The following NAALAD2 variants were observed in gnomAD, a reference collection of about 807,000 sequenced individuals.
The protein encoded by NAALAD2 is N-acetylated alpha-linked acidic dipeptidase 2, also known as N-acetylated-alpha-linked acidic dipeptidase 2.
In NAALAD2, 89 loss-of-function variants were observed where a neutral mutation model predicts 95.6. The ratio of observed to expected loss-of-function variants is 0.93; its 90% CI spans 0.78 to 1.11. The LOEUF (loss-of-function observed/expected upper bound fraction) is 1.11. Among genes scored for constraint, NAALAD2 ranks in the 50% least tolerant of loss-of-function variants. The pLI is 0.00. For synonymous variants in NAALAD2, 264 were observed against 294.4 expected (o/e 0.90, Z 1.06); for missense variants, 894 against 872.4 (o/e 1.02, Z -0.31).
chr11:90,151,816 C>G (rs1414607645), intron 5 of NAALAD2, among the ~76,000 whole-genome samples: 1 of 152,092 alleles, frequency 6.6e-6, no homozygotes, highest in Non-Finnish European at 1.5e-5. Flanking sequence ...AATATGACTG[C>G]TCTGCATACA....
At chr11:90,162,392 T>C (rs971668127) in intron 8 of NAALAD2, 14 of 152,128 alleles carry the variant, frequency 9.2e-5, no homozygotes, top group Non-Finnish European at 1.6e-4. Flanking sequence ...AAATTCTCAT[T>C]TAACAACAGA....
chr11:90,182,775 C>T (rs1953010836), intron 17 of NAALAD2, 141 bp from the exon 18 acceptor site: 3 of 572,556 alleles, frequency 5.2e-6, no homozygotes, highest in South Asian at 4.6e-5. Context: ...CCATGTAAAG[C>T]ATTACTGTGT....
chr11:90,140,588 T>C (rs1372994472), intron 2 of NAALAD2, among the ~76,000 whole-genome samples: 1 of 152,090 alleles, frequency 6.6e-6, no homozygotes, highest in Non-Finnish European at 1.5e-5. Context: ...CAAACCTATG[T>C]TTCAAGGGTC....
At chr11:90,139,223 A>G (rs376670547) in intron 2 of NAALAD2, among the ~76,000 whole-genome samples, 26 of 152,282 alleles carry the variant, frequency 1.7e-4, no homozygotes, top group Admixed American at 1.1e-3. Context: ...TCTGTTGTCC[A>G]GGCCTTCTTG....
At chr11:90,158,064 C>T in intron 6 of NAALAD2, 81 bp from the exon 7 acceptor site, 2 of 1,063,036 alleles carry the variant, frequency 1.9e-6, no homozygotes, top group South Asian at 1.4e-5. Context: ...AGCAAATCTG[C>T]AACGGTTATG....
At chr11:90,177,758 TTA>T in intron 15 of NAALAD2, 93 bp from the exon 16 acceptor site, 7 of 1,283,504 alleles carry the variant, frequency 5.5e-6, no homozygotes, top group Non-Finnish European at 7.5e-6. Context: ...TGGCTGGTTG[TTA>T]TTTTTTCTAT....
chr11:90,163,227 A>G lies in NAALAD2; in HGVS notation c.1076-83A>G, dbSNP rs1952344763. 5 of 1,427,408 alleles carry G rather than the reference A, an allele frequency of 3.5e-6. No individual in the cohort carries two copies. In the South Asian group the frequency reaches 4.0e-5, roughly 11 times the overall value. 88.4% of individuals were successfully genotyped at this position (1,427,408 alleles called of 1,614,324 possible). A position where few individuals can be genotyped will look rare whatever the true frequency, so the allele number is the denominator to read the frequency against. On this transcript the variant is annotated intron_variant, in intron 9 of 18. Transcript: ENST00000534061. ...CTTCTATAGAGGAAACTCAAGCAAG[A>G]GGATGTTTATTTTAAAAACATAAAT...
chr11:90,179,164 C>T (rs1021971837), intron 16 of NAALAD2, among the ~76,000 whole-genome samples: 25 of 152,286 alleles, frequency 1.6e-4, no homozygotes, highest in African/African-American at 5.1e-4. Flanking sequence ...ACTTAGTGCT[C>T]ATTAAATATT....
At chr11:90,151,576 ACAT>A (rs1951888068) in intron 5 of NAALAD2, among the ~76,000 whole-genome samples, 2 of 152,186 alleles carry the variant, frequency 1.3e-5, no homozygotes, top group African/African-American at 4.8e-5. Flanking sequence ...ATTTTGATAG[ACAT>A]CATCAATTTT....
chr11:90,187,014 A>T (rs1262892159), intron 18 of NAALAD2, among the ~76,000 whole-genome samples: 2 of 151,848 alleles, frequency 1.3e-5, no homozygotes, highest in East Asian at 1.9e-4. Flanking sequence ...TGGGCGAAGG[A>T]CATGAACAGA....
chr11:90,185,232 T>C (rs543702672), intron 18 of NAALAD2, among the ~76,000 whole-genome samples: 11 of 151,958 alleles, frequency 7.2e-5, no homozygotes, highest in East Asian at 1.9e-4. Context: ...ATAAACAATT[T>C]TTATTTACAT....
upstream of NAALAD2, chr11:90,131,893 G>T: frequency 6.6e-6 from 1 of 152,100 alleles, no homozygotes; most frequent in African/African-American, 2.4e-5. Context: ...TGAGAGACTG[G>T]TTTTCAATAC....
chr11:90,133,499 A>G (rs554534867), upstream of NAALAD2, among the ~76,000 whole-genome samples: 18 of 47,654 alleles, frequency 3.8e-4, no homozygotes, highest in Non-Finnish European at 5.3e-4. Flanking sequence ...AGACTATTAG[A>G]AAAAAAAAAG....
chr11:90,152,388 A>G lies in NAALAD2; in HGVS notation c.700A>G (p.Lys234Glu). Reference protein sequence around the residue: ...YFAPEVQPYPKGWNLPGTAAQ... With the variant: ...YFAPEVQPYPEGWNLPGTAAQ... ...TGCTCCTGAGGTACAGCCATATCCC[A>G]AAGGATGGAATCTTCCTGGAACTGC... The change falls in exon 6 of 19, where the codon AAA becomes GAA. Residue 234 changes from lysine (K) to glutamate (E), a missense_variant. Physicochemically the swap from Lys to Glu is moderately conservative, Grantham distance 56 (BLOSUM62 1). Transcript: ENST00000534061. 1 of 1,613,942 alleles carries G rather than the reference A, an allele frequency of 6.2e-7. No homozygotes were observed. The highest frequency in any genetic ancestry group is 8.5e-7 in the Non-Finnish European group (1 of 1,179,886).
At chr11:90,185,262 A>G (rs2134991345) in intron 18 of NAALAD2, among the ~76,000 whole-genome samples, 1 of 152,010 alleles carries the variant, frequency 6.6e-6, no homozygotes, top group East Asian at 1.9e-4. Flanking sequence ...TATTTAACAT[A>G]TTATAAATTT....
At chr11:90,154,981 C>T (rs1351718786) in intron 6 of NAALAD2, among the ~76,000 whole-genome samples, 8 of 79,996 alleles carry the variant, frequency 1.0e-4, no homozygotes, top group South Asian at 4.1e-4. Flanking sequence ...ATATTATATA[C>T]GTATACATAA....
At chr11:90,131,853 G>A (rs371906974), upstream of NAALAD2, 2 of 152,156 alleles carry the variant, frequency 1.3e-5, no homozygotes, top group African/African-American at 4.8e-5. Context: ...ACTGAATCAT[G>A]AGCAGGTCAA....
intron 2 of NAALAD2, among the ~76,000 whole-genome samples, chr11:90,138,916 C>T (rs374527630): frequency 6.6e-6 from 1 of 151,728 alleles, no homozygotes; most frequent in African/African-American, 2.4e-5. Context: ...ATGGCATCTT[C>T]AATAATGTAA....
chr11:90,134,807 G>A lies in NAALAD2; in HGVS notation c.49G>A (p.Ala17Thr), dbSNP rs750389734. 3 of 1,614,050 alleles carry A rather than the reference G, an allele frequency of 1.9e-6. No homozygotes were observed. Among genetic ancestry groups the A allele is most frequent in the Non-Finnish European group, 2.5e-6 (3 of 1,180,038 alleles). The change falls in exon 1 of 19, where the codon GCG becomes ACG. Residue 17 changes from alanine to threonine, a missense_variant. Coordinates refer to ENST00000534061, the MANE Select transcript of NAALAD2 (RefSeq NM_005467.4). The stretch of plus-strand genomic sequence containing the variant: ...GTACCTTTGGATGTGCTTGGCTGCT[G>A]CGCTGGCATCTTTCCTGATGGGATT... ...RLYLWMCLAA[A>T]LASFLMGFMV...
Sources: allele counts gnomAD v4.1 joint callset (sites outside exome capture counted in the v4.1 genomes callset), GRCh38; gene constraint gnomAD v4.1.1; transcripts MANE v1.5; gene names NCBI Gene and HGNC (gene_info 2026-07-23, HGNC 2026-07-21).